The following FAM193A variants were observed in gnomAD, a reference collection of about 807,000 sequenced individuals.
The protein encoded by FAM193A is family with sequence similarity 193 member A, also known as protein FAM193A.
A neutral mutation model predicts 126.5 loss-of-function variants in FAM193A; 22 were observed. That is an observed-to-expected ratio of 0.17 (90% CI 0.12 to 0.25). The LOEUF (loss-of-function observed/expected upper bound fraction) is 0.25. Among genes scored for constraint, FAM193A ranks in the 10% least tolerant of loss-of-function variants. FAM193A has a pLI of 1.00. For missense variants in FAM193A, 1,675 were observed against 1,672.8 expected (o/e 1.00, Z -0.02); for synonymous variants, 761 against 646.8 (o/e 1.18, Z -2.68).
chr4:2,571,077 TCACCTTACCC>T (rs1205533048), intron 1 of FAM193A, among the ~76,000 whole-genome samples: 1 of 152,186 alleles, frequency 6.6e-6, no homozygotes, highest in Non-Finnish European at 1.5e-5. Context: ...TCCTGCCTTG[TCACCTTACCC>T]ATAGGCTCTG....
intron 20 of FAM193A, among the ~76,000 whole-genome samples, chr4:2,722,068 G>T (rs946733888): frequency 2.0e-5 from 3 of 152,168 alleles, no homozygotes; most frequent in African/African-American, 7.2e-5. Flanking sequence ...CAAGAACTAT[G>T]GTGAACTAAT....
At chr4:2,571,614 C>T (rs1739296220) in intron 1 of FAM193A, among the ~76,000 whole-genome samples, 1 of 151,760 alleles carries the variant, frequency 6.6e-6, no homozygotes, top group Non-Finnish European at 1.5e-5. Flanking sequence ...GATCTTGGCT[C>T]ACTGCAAACT....
At chr4:2,676,622 C>T (rs1367267460) in intron 13 of FAM193A, among the ~76,000 whole-genome samples, 1 of 152,088 alleles carries the variant, frequency 6.6e-6, no homozygotes, top group Admixed American at 6.6e-5. Flanking sequence ...TTTACTCTGT[C>T]GATAGTGTCT....
At chr4:2,535,855 G>C (rs1489073626), upstream of FAM193A, among the ~76,000 whole-genome samples, 4 of 152,070 alleles carry the variant, frequency 2.6e-5, no homozygotes, top group Middle Eastern at 3.2e-3. Context: ...TTTAGGCGAG[G>C]GGTTCTCGGG....
chr4:2,584,595 A>G (rs1740130314), intron 1 of FAM193A, among the ~76,000 whole-genome samples: 2 of 152,284 alleles, frequency 1.3e-5, no homozygotes, highest in Admixed American at 6.5e-5. Context: ...GCTAAAGGCT[A>G]CTACTCGATT....
intron 20 of FAM193A, among the ~76,000 whole-genome samples, chr4:2,725,830 G>C (rs1560622892): frequency 6.6e-6 from 1 of 151,854 alleles, no homozygotes; most frequent in Non-Finnish European, 1.5e-5. Context: ...TCCCACCTCA[G>C]CCTCCTGACT....
At chr4:2,603,570 C>T (rs1272235740) in intron 2 of FAM193A, among the ~76,000 whole-genome samples, 1 of 150,328 alleles carries the variant, frequency 6.7e-6, no homozygotes, top group Non-Finnish European at 1.5e-5. Context: ...CATTCTCCTG[C>T]CTCAGCCTCC....
intron 13 of FAM193A, among the ~76,000 whole-genome samples, chr4:2,673,926 A>C (rs1714107692): frequency 6.6e-6 from 1 of 152,184 alleles, no homozygotes; most frequent in Non-Finnish European, 1.5e-5. Context: ...AAGAAGAAAA[A>C]CATGTTTTAG....
intron 1 of FAM193A, among the ~76,000 whole-genome samples, chr4:2,550,862 G>T (rs1380964143): frequency 1.4e-5 from 2 of 140,726 alleles, no homozygotes; most frequent in Admixed American, 7.2e-5. Flanking sequence ...GTGCAGTGGC[G>T]CCATCTCGGC....
intron 1 of FAM193A, among the ~76,000 whole-genome samples, chr4:2,538,240 C>T (rs895371550): frequency 2.0e-5 from 3 of 151,524 alleles, no homozygotes; most frequent in Non-Finnish European, 4.4e-5. Flanking sequence ...GCTCTGTCGC[C>T]CAGGCTGGAG....
At chr4:2,684,663 G>T (rs759032026) in intron 13 of FAM193A, among the ~76,000 whole-genome samples, 1 of 152,156 alleles carries the variant, frequency 6.6e-6, no homozygotes, top group Non-Finnish European at 1.5e-5. Context: ...CCTGAGACCT[G>T]GGCTCCTCTT....
At chr4:2,702,544 A>C (rs1283402438) in intron 19 of FAM193A, among the ~76,000 whole-genome samples, 1 of 152,176 alleles carries the variant, frequency 6.6e-6, no homozygotes, top group Non-Finnish European at 1.5e-5. Context: ...GAGCATGTGC[A>C]CACGAGCGCC....
At chr4:2,560,276 T>G (rs1738531431) in intron 1 of FAM193A, among the ~76,000 whole-genome samples, 1 of 152,116 alleles carries the variant, frequency 6.6e-6, no homozygotes, top group East Asian at 1.9e-4. Context: ...AGTTCTTCTG[T>G]CTTTGCCTGA....
At chr4:2,647,057 G>A (rs1482353272) in intron 7 of FAM193A, among the ~76,000 whole-genome samples, 1 of 152,240 alleles carries the variant, frequency 6.6e-6, no homozygotes. Context: ...CTGAGGTGTG[G>A]TGGCAGCAGT....
intron 19 of FAM193A, among the ~76,000 whole-genome samples, chr4:2,712,944 A>ATT (rs1719140983): frequency 6.6e-6 from 1 of 151,910 alleles, no homozygotes; most frequent in Non-Finnish European, 1.5e-5. Flanking sequence ...CTCTACTAAA[A>ATT]AATACAAAAA....
At chr4:2,562,946 C>G (rs561787509) in intron 1 of FAM193A, among the ~76,000 whole-genome samples, 6 of 145,400 alleles carry the variant, frequency 4.1e-5, no homozygotes, top group Admixed American at 4.1e-4. Context: ...TTCTTTCTTT[C>G]TTTTTTTTGT....
At chr4:2,580,935 C>T (rs1258914842) in intron 1 of FAM193A, among the ~76,000 whole-genome samples, 1 of 152,210 alleles carries the variant, frequency 6.6e-6, no homozygotes, top group Non-Finnish European at 1.5e-5. Context: ...CTAGACCATC[C>T]TGGCTAACAC....
chr4:2,539,662 C>T (rs1737104675), intron 1 of FAM193A, among the ~76,000 whole-genome samples: 1 of 152,060 alleles, frequency 6.6e-6, no homozygotes, highest in South Asian at 2.1e-4. Flanking sequence ...CCATCTCTGC[C>T]TCCCAAAGTG....
chr4:2,559,713 G>A (rs761757201), intron 1 of FAM193A, among the ~76,000 whole-genome samples: 2 of 152,038 alleles, frequency 1.3e-5, no homozygotes, highest in African/African-American at 2.4e-5. Context: ...GCCTTTGTAC[G>A]TGAGCACCAG....
Sources: gnomAD v4.1 joint callset for allele counts (sites outside exome capture counted in the v4.1 genomes callset) on GRCh38, gnomAD v4.1.1 for gene constraint, MANE v1.5 for transcripts, NCBI Gene and HGNC (gene_info 2026-07-23, HGNC 2026-07-21) for gene names.